Variants in PHF20 observed in about 807,000 individuals in gnomAD.
PHF20 encodes PHD finger protein 20.
PHF20 carries 23 observed loss-of-function variants against 113.5 expected under a neutral mutation model. The ratio of observed to expected loss-of-function variants is 0.20; its 90% CI spans 0.15 to 0.29. The LOEUF (loss-of-function observed/expected upper bound fraction) is 0.29. Ranked by LOEUF, PHF20 falls within the 10% of genes least tolerant of loss-of-function variation. The pLI, the probability that PHF20 is intolerant of heterozygous loss-of-function variation, is 1.00. For synonymous variants in PHF20, 434 were observed against 457.3 expected, an observed-to-expected ratio of 0.95 and a Z score of 0.65; for missense variants, 943 against 1,219.6, an observed-to-expected ratio of 0.77 and a Z score of 3.38.
At chr20:35,851,841 GGAGGCAGAAGTTGCAGT>G (rs889643939) in intron 4 of PHF20, among the ~76,000 whole-genome samples, 6 of 151,954 alleles carry the variant, frequency 3.9e-5, no homozygotes, top group Non-Finnish European at 2.9e-5. Context: ...CTTGAACTCA[GGAGGCAGAAGTTGCAGT>G]GAGCTGAGAT....
At chr20:35,933,619 G>C (rs560020176) in intron 15 of PHF20, among the ~76,000 whole-genome samples, 1 of 151,956 alleles carries the variant, frequency 6.6e-6, no homozygotes, top group Admixed American at 6.6e-5. Context: ...GGATGGTCTC[G>C]ATCTACTGAC....
At chr20:35,861,327 G>A (rs998154381) in intron 5 of PHF20, among the ~76,000 whole-genome samples, 18 of 151,986 alleles carry the variant, frequency 1.2e-4, no homozygotes, top group Middle Eastern at 3.2e-3. Flanking sequence ...TGTTCTTAAC[G>A]TTTTGGTGTG....
intron 2 of PHF20, among the ~76,000 whole-genome samples, chr20:35,803,616 A>T (rs1219265221): frequency 1.3e-5 from 2 of 151,214 alleles, no homozygotes; most frequent in Non-Finnish European, 2.9e-5. Context: ...TGAGCCACCA[A>T]GCCTGCCTGT....
At chr20:35,897,569 T>C (rs2147053111) in intron 9 of PHF20, among the ~76,000 whole-genome samples, 1 of 146,376 alleles carries the variant, frequency 6.8e-6, no homozygotes, top group South Asian at 2.3e-4. Flanking sequence ...CTTTTTTTTT[T>C]TTTTTTTTTT....
chr20:35,934,024 T>C (rs575499023), intron 15 of PHF20, among the ~76,000 whole-genome samples: 1 of 152,344 alleles, frequency 6.6e-6, no homozygotes, highest in Admixed American at 6.5e-5. Flanking sequence ...TTGGTTTTAG[T>C]ATAGTCTGTG....
At position 35,871,775 on chromosome 20, in the gene PHF20, A is replaced by G; in HGVS notation, c.1228A>G (p.Lys410Glu). Residue 410 changes from lysine to glutamate, a missense_variant, in exon 9 of 18, where the codon AAA becomes GAA. Lys to Glu is a moderately conservative substitution (Grantham distance 56). This residue lies in a region of PHF20 where 592 missense variants were observed against 787.2 expected (regional missense o/e 0.75). Transcript: ENST00000374012. ...NCPSMGENTM[K>E]TEPTSPLVEL... Reference sequence around the variant, plus strand: ...CCCATCAATGGGAGAAAACACGATGAAAACAGAACCGACTTCTCCCCTTGT... The same window carrying G: ...CCCATCAATGGGAGAAAACACGATGGAAACAGAACCGACTTCTCCCCTTGT... 6.2e-7 allele frequency: 1 copy of G among 1,613,580 alleles called. No individual in the cohort carries two copies.
At chr20:35,849,751 C>T (rs376667207) in intron 4 of PHF20, among the ~76,000 whole-genome samples, 8 of 151,570 alleles carry the variant, frequency 5.3e-5, no homozygotes, top group South Asian at 4.2e-4. Flanking sequence ...GAAGCTCTGC[C>T]GGCAAGGCGG....
chr20:35,832,040 G>A (rs1458835814), intron 2 of PHF20, among the ~76,000 whole-genome samples: 3 of 152,294 alleles, frequency 2.0e-5, no homozygotes, highest in Admixed American at 2.0e-4. Flanking sequence ...AAACGGAGTT[G>A]TTGTTTCCTC....
chr20:35,805,350 A>AT (rs202026110), intron 2 of PHF20, among the ~76,000 whole-genome samples: 1 of 130,290 alleles, frequency 7.7e-6, no homozygotes, highest in African/African-American at 3.0e-5. Context: ...ACCACGCCTG[A>AT]TTTTTTATTA....
chr20:35,926,761 A>G (rs2055647430), intron 13 of PHF20, among the ~76,000 whole-genome samples: 1 of 152,102 alleles, frequency 6.6e-6, no homozygotes, highest in Admixed American at 6.6e-5. Flanking sequence ...GCCAGGACCT[A>G]TGTGACTCCC....
intron 5 of PHF20, among the ~76,000 whole-genome samples, chr20:35,858,927 A>G (rs1228390889): frequency 2.0e-5 from 3 of 151,958 alleles, no homozygotes; most frequent in Non-Finnish European, 2.9e-5. Context: ...CTTGGATACC[A>G]TTGCCTATAT....
Position 35,914,205 on chromosome 20 carries a change from G to T in PHF20, c.1825+8G>T. The T allele has an allele frequency of 6.2e-7, 1 of 1,613,834 alleles. No homozygotes were observed. Among genetic ancestry groups the T allele is most frequent in the Non-Finnish European group, 8.5e-7 (1 of 1,179,820 alleles). The stretch of plus-strand genomic sequence containing the variant: ...GGAAAGTGAAAGCATTGGGTAAGGA[G>T]GCTCTTCTGTCCTGATCATTTGCTG... On this transcript the variant is annotated splice_region_variant and intron_variant, in intron 12 of 17. Coordinates refer to ENST00000374012, the MANE Select transcript of PHF20 (RefSeq NM_016436.5).
intron 12 of PHF20, among the ~76,000 whole-genome samples, chr20:35,916,287 A>G (rs79599063): frequency 0.057 from 8,684 of 152,308 alleles, 396 homozygotes; most frequent in African/African-American, 0.13. Flanking sequence ...ATAATATACA[A>G]TATCTGTGAA....
At chr20:35,829,224 AATAC>A (rs2146915879) in intron 2 of PHF20, among the ~76,000 whole-genome samples, 1 of 152,320 alleles carries the variant, frequency 6.6e-6, no homozygotes, top group South Asian at 2.1e-4. Context: ...CTTGTGGTAA[AATAC>A]ATACAACATA....
chr20:35,901,019 G>A (rs1026972019), intron 10 of PHF20, among the ~76,000 whole-genome samples: 1 of 152,156 alleles, frequency 6.6e-6, no homozygotes, highest in Non-Finnish European at 1.5e-5. Flanking sequence ...GCTCCGAAAT[G>A]TTCTGTTTCC....
At chr20:35,868,426 C>T (rs2054356354) in intron 6 of PHF20, among the ~76,000 whole-genome samples, 1 of 151,476 alleles carries the variant, frequency 6.6e-6, no homozygotes, top group Non-Finnish European at 1.5e-5. Context: ...ATGGTGAAAC[C>T]CCATCTCTAT....
At chr20:35,922,140 T>C (rs973793616) in intron 13 of PHF20, among the ~76,000 whole-genome samples, 1 of 152,202 alleles carries the variant, frequency 6.6e-6, no homozygotes, top group Non-Finnish European at 1.5e-5. Flanking sequence ...CCACAAGACC[T>C]TGTGTCTCAA....
chr20:35,927,092 CT>C (rs1481583006), intron 13 of PHF20, among the ~76,000 whole-genome samples: 1 of 152,160 alleles, frequency 6.6e-6, no homozygotes, highest in Non-Finnish European at 1.5e-5. Context: ...CCCTCTCCCC[CT>C]GTCCCCTCAA....
chr20:35,872,072 A>G (rs544064923), intron 9 of PHF20, among the ~76,000 whole-genome samples: 1 of 150,860 alleles, frequency 6.6e-6, no homozygotes, highest in South Asian at 2.1e-4. Flanking sequence ...AATTTTCTCT[A>G]TTGTTTATTT....
Sources: gnomAD v4.1 joint callset for allele counts (sites outside exome capture counted in the v4.1 genomes callset) on GRCh38, gnomAD v4.1.1 for gene constraint, gnomAD v4.1.1 regional missense constraint, MANE v1.5 for transcripts, NCBI Gene and HGNC (gene_info 2026-07-23, HGNC 2026-07-21) for gene names.